LOC400499: variants seen among roughly 807,000 people sequenced by gnomAD.
At chr16:11,429,421 T>C in the LOC400499 span, among the ~76,000 whole-genome samples, 4,708 of 152,138 alleles carry the variant, frequency 0.031, 257 homozygotes, top group African/African-American at 0.11. Context: ...CAGACTAATA[T>C]AGAAGGGAAG....
At chr16:11,470,700 C>T in the LOC400499 span, 1 of 152,386 alleles carries the variant, frequency 6.6e-6, no homozygotes, top group African/African-American at 2.4e-5. Flanking sequence ...AGAGGAGGCA[C>T]AGGAACACCA....
chr16:11,373,792 A>G, the LOC400499 span, among the ~76,000 whole-genome samples: 1 of 151,660 alleles, frequency 6.6e-6, no homozygotes, highest in Admixed American at 6.6e-5. Context: ...GCTAATTTTT[A>G]TATTTTTAGT....
At chr16:11,373,349 G>GT in the LOC400499 span, among the ~76,000 whole-genome samples, 1 of 152,182 alleles carries the variant, frequency 6.6e-6, no homozygotes, top group African/African-American at 2.4e-5. Flanking sequence ...TAAAAGATGG[G>GT]TTTTAACTTT....
the LOC400499 span, among the ~76,000 whole-genome samples, chr16:11,375,732 A>ATTTTTTTTTTTT: frequency 7.7e-6 from 1 of 130,660 alleles, no homozygotes; most frequent in African/African-American, 2.8e-5. Context: ...TCCTTTGTAC[A>ATTTTTTTTTTTT]TTTTTTTTTT....
At chr16:11,469,453 C>T in the LOC400499 span, 1 of 399,034 alleles carries the variant, frequency 2.5e-6, no homozygotes, top group Non-Finnish European at 4.4e-6. Flanking sequence ...GGGCCCTGCC[C>T]CGGGTGTGGC....
the LOC400499 span, among the ~76,000 whole-genome samples, chr16:11,405,396 T>C: frequency 6.6e-6 from 1 of 152,048 alleles, no homozygotes. Flanking sequence ...CCCAGGGAGA[T>C]AGTCGAGATA....
At chr16:11,385,163 C>A in the LOC400499 span, 12 of 1,231,196 alleles carry the variant, frequency 9.7e-6, no homozygotes, top group Non-Finnish European at 1.2e-5. Context: ...GGGCACAGGT[C>A]TCCAGGGGAG....
chr16:11,496,419 A>G, the LOC400499 span, among the ~76,000 whole-genome samples: 1 of 152,158 alleles, frequency 6.6e-6, no homozygotes, highest in African/African-American at 2.4e-5. Flanking sequence ...GATCTGTGTT[A>G]CTACGCTAGG....
At chr16:11,513,883 T>G in the LOC400499 span, among the ~76,000 whole-genome samples, 1 of 152,184 alleles carries the variant, frequency 6.6e-6, no homozygotes, top group Non-Finnish European at 1.5e-5. Flanking sequence ...CATTCTTATT[T>G]CATTATTCAG....
At chr16:11,480,135 A>G in the LOC400499 span, among the ~76,000 whole-genome samples, 1 of 152,052 alleles carries the variant, frequency 6.6e-6, no homozygotes, top group Non-Finnish European at 1.5e-5. Flanking sequence ...ACCACTCCCT[A>G]TTGTCTCTCC....
At chr16:11,432,159 A>T in the LOC400499 span, among the ~76,000 whole-genome samples, 1 of 152,202 alleles carries the variant, frequency 6.6e-6, no homozygotes. Context: ...CCATGCACAC[A>T]TCTGGCTGGG....
At chr16:11,503,425 A>C in the LOC400499 span, among the ~76,000 whole-genome samples, 1 of 152,190 alleles carries the variant, frequency 6.6e-6, no homozygotes, top group African/African-American at 2.4e-5. Context: ...ATTGGCCTGA[A>C]CCCAAAGCCA....
At chr16:11,466,023 C>G in the LOC400499 span, among the ~76,000 whole-genome samples, 2 of 152,182 alleles carry the variant, frequency 1.3e-5, no homozygotes, top group African/African-American at 2.4e-5. Flanking sequence ...TTTGTAAGAG[C>G]AGAAACCTGG....
the LOC400499 span, among the ~76,000 whole-genome samples, chr16:11,455,683 C>A: frequency 6.8e-6 from 1 of 147,520 alleles, no homozygotes; most frequent in Non-Finnish European, 1.5e-5. Flanking sequence ...TGCAGTGAGC[C>A]GAGATCGTGC....
chr16:11,417,900 G>A, the LOC400499 span: 6 of 398,168 alleles, frequency 1.5e-5, no homozygotes, highest in Non-Finnish European at 2.7e-5. Context: ...CCTGGGTCAA[G>A]CTGGCACTGG....
chr16:11,428,733 A>T, the LOC400499 span, among the ~76,000 whole-genome samples: 1 of 152,160 alleles, frequency 6.6e-6, no homozygotes, highest in Admixed American at 6.5e-5. Context: ...AACGCAGCCC[A>T]GTAGGTCTCA....
At chr16:11,467,827 C>T in the LOC400499 span, among the ~76,000 whole-genome samples, 1 of 152,176 alleles carries the variant, frequency 6.6e-6, no homozygotes, top group Non-Finnish European at 1.5e-5. Flanking sequence ...AAACCCTAAG[C>T]CGCAGGACCT....
At chr16:11,461,633 G>T in the LOC400499 span, among the ~76,000 whole-genome samples, 2 of 152,340 alleles carry the variant, frequency 1.3e-5, no homozygotes, top group Non-Finnish European at 2.9e-5. Flanking sequence ...AGACACAGAA[G>T]GTCAGCCAGA....
the LOC400499 span, among the ~76,000 whole-genome samples, chr16:11,418,189 G>C: frequency 6.6e-6 from 1 of 152,186 alleles, no homozygotes; most frequent in Non-Finnish European, 1.5e-5. Context: ...ATCTGTTGTT[G>C]TAAATAAAGT....
Sources: allele counts gnomAD v4.1 joint callset (sites outside exome capture counted in the v4.1 genomes callset), GRCh38; gene constraint gnomAD v4.1.1; transcripts MANE v1.5.